Variants in NR6A1 observed in about 807,000 individuals in gnomAD.
The protein encoded by NR6A1 is retinoic acid receptor-related testis-associated receptor.
In NR6A1, 7 loss-of-function variants were observed where a neutral mutation model predicts 59.1. That is an observed-to-expected ratio of 0.12 (90% CI 0.07 to 0.22). The LOEUF (loss-of-function observed/expected upper bound fraction) is 0.22. Ranked by LOEUF, NR6A1 falls within the 10% of genes least tolerant of loss-of-function variation. The probability of loss-of-function intolerance (pLI) is 1.00; values close to 1 mark genes in which losing one functional copy is unlikely to be tolerated. For synonymous variants in NR6A1, 243 were observed against 236.1 expected (o/e 1.03, Z -0.27); for missense variants, 468 against 611.6 (o/e 0.77, Z 2.48).
intron 2 of NR6A1, among the ~76,000 whole-genome samples, chr9:124,661,195 C>T (rs184322064): frequency 1.2e-3 from 190 of 152,256 alleles, no homozygotes; most frequent in African/African-American, 4.5e-3. Flanking sequence ...AAAAACTACA[C>T]TTTATTATCA....
intron 2 of NR6A1, among the ~76,000 whole-genome samples, chr9:124,572,990 G>C (rs1355201251): frequency 6.6e-6 from 1 of 152,172 alleles, no homozygotes; most frequent in East Asian, 1.9e-4. Context: ...GAGACTTCAT[G>C]GTCTTTGCAA....
intron 2 of NR6A1, among the ~76,000 whole-genome samples, chr9:124,694,835 A>G (rs1259290494): frequency 6.6e-6 from 1 of 152,210 alleles, no homozygotes. Flanking sequence ...AGGAGAAGTG[A>G]TGGGGTAATG....
chr9:124,739,155 T>C (rs1202470662), intron 1 of NR6A1, among the ~76,000 whole-genome samples: 1 of 146,004 alleles, frequency 6.8e-6, no homozygotes, highest in Non-Finnish European at 1.5e-5. Context: ...ATCACTGCAC[T>C]CCAGCCTGGA....
chr9:124,532,691 G>C (rs1833135553), intron 7 of NR6A1, among the ~76,000 whole-genome samples: 1 of 152,172 alleles, frequency 6.6e-6, no homozygotes, highest in Non-Finnish European at 1.5e-5. Context: ...GAAGCCACTT[G>C]ACAGCTCAGC....
intron 2 of NR6A1, among the ~76,000 whole-genome samples, chr9:124,724,913 G>C (rs551853930): frequency 6.6e-6 from 1 of 152,240 alleles, no homozygotes; most frequent in East Asian, 1.9e-4. Context: ...CTTGTCTATG[G>C]GACAGAAATC....
intron 4 of NR6A1, 53 bp downstream of exon 4, chr9:124,543,749 C>T (rs1046643070): frequency 1.4e-6 from 2 of 1,437,876 alleles, no homozygotes; most frequent in Non-Finnish European, 1.9e-6. Context: ...TCAGGAACAG[C>T]TGGAGCCCTG....
At chr9:124,605,535 TC>T (rs1190982480) in intron 2 of NR6A1, among the ~76,000 whole-genome samples, 70 of 151,982 alleles carry the variant, frequency 4.6e-4, no homozygotes, top group Admixed American at 2.8e-3. Flanking sequence ...CAAAAAACCC[TC>T]GCATCACTGC....
chr9:124,722,478 C>T (rs1430459974), intron 2 of NR6A1, among the ~76,000 whole-genome samples: 1 of 152,162 alleles, frequency 6.6e-6, no homozygotes, highest in Non-Finnish European at 1.5e-5. Context: ...TTTTAGGGTA[C>T]GCTAGCTGAG....
intron 3 of NR6A1, among the ~76,000 whole-genome samples, chr9:124,546,173 T>C (rs1464727167): frequency 6.6e-6 from 1 of 152,202 alleles, no homozygotes; most frequent in African/African-American, 2.4e-5. Context: ...ACGTATATGA[T>C]AGAAATCTAC....
chr9:124,722,533 T>A (rs1026534994), intron 2 of NR6A1, among the ~76,000 whole-genome samples: 7 of 152,134 alleles, frequency 4.6e-5, no homozygotes, highest in East Asian at 1.9e-4. Flanking sequence ...CACAAAAAAA[T>A]ATCTTTGGGA....
chr9:124,728,321 G>A (rs1265112871), intron 2 of NR6A1, among the ~76,000 whole-genome samples: 3 of 151,730 alleles, frequency 2.0e-5, no homozygotes, highest in Non-Finnish European at 4.4e-5. Flanking sequence ...GAGCCACCGC[G>A]CCCAGCCATG....
At chr9:124,568,419 G>A (rs546738345) in intron 2 of NR6A1, among the ~76,000 whole-genome samples, 158 of 151,456 alleles carry the variant, frequency 1.0e-3, no homozygotes, top group Middle Eastern at 3.4e-3. Context: ...GGAGGCGGAG[G>A]TTGCAGTGAA....
At chr9:124,649,989 G>C (rs537566942) in intron 2 of NR6A1, among the ~76,000 whole-genome samples, 9 of 152,238 alleles carry the variant, frequency 5.9e-5, no homozygotes, top group Non-Finnish European at 1.3e-4. Context: ...ACTGTTGATG[G>C]GAATGTAAAT....
At chr9:124,653,225 G>C (rs1837154247) in intron 2 of NR6A1, among the ~76,000 whole-genome samples, 1 of 150,896 alleles carries the variant, frequency 6.6e-6, no homozygotes, top group Non-Finnish European at 1.5e-5. Flanking sequence ...CCAAAGTTCT[G>C]GCTGCCCCTT....
At chr9:124,711,823 C>G (rs564496692) in intron 2 of NR6A1, among the ~76,000 whole-genome samples, 43 of 152,308 alleles carry the variant, frequency 2.8e-4, no homozygotes, top group African/African-American at 1.0e-3. Context: ...TACAGAGTCT[C>G]ACTATGCTGC....
At chr9:124,687,700 C>A (rs868314476) in intron 2 of NR6A1, among the ~76,000 whole-genome samples, 1 of 152,128 alleles carries the variant, frequency 6.6e-6, no homozygotes, top group Non-Finnish European at 1.5e-5. Flanking sequence ...TTATTTTGGC[C>A]TAACTTAAAA....
chr9:124,550,368 A>T (rs1405295779), intron 3 of NR6A1, among the ~76,000 whole-genome samples: 1 of 147,192 alleles, frequency 6.8e-6, no homozygotes, highest in Admixed American at 6.8e-5. Context: ...TGATGTTCTA[A>T]TGGTGAATTT....
intron 2 of NR6A1, among the ~76,000 whole-genome samples, chr9:124,658,127 A>G (rs1404106252): frequency 2.6e-5 from 4 of 152,204 alleles, no homozygotes; most frequent in Non-Finnish European, 4.4e-5. Flanking sequence ...CAGAAAGACT[A>G]GTATTTCTTC....
chr9:124,699,900 A>G (rs1424172997), intron 2 of NR6A1, among the ~76,000 whole-genome samples: 1 of 152,198 alleles, frequency 6.6e-6, no homozygotes, highest in Non-Finnish European at 1.5e-5. Flanking sequence ...GTCTTCGCCC[A>G]GACTGGAGTG....
Sources: gnomAD v4.1 joint callset for allele counts (sites outside exome capture counted in the v4.1 genomes callset) on GRCh38, gnomAD v4.1.1 for gene constraint, MANE v1.5 for transcripts, NCBI Gene and HGNC (gene_info 2026-07-23, HGNC 2026-07-21) for gene names.